Variants in MYO18B observed in about 807,000 individuals in gnomAD.
The protein encoded by MYO18B is myosin XVIIIB.
Under a neutral mutation model 273.0 loss-of-function variants are expected in MYO18B, and 204 were observed. The observed-to-expected ratio is 0.75, with a 90% CI of 0.67 to 0.84. The LOEUF (loss-of-function observed/expected upper bound fraction) is 0.84, where lower values mean the gene tolerates loss of function less well. Among genes scored for constraint, MYO18B ranks in the 40% least tolerant of loss-of-function variants. MYO18B has a pLI of 0.00. For missense variants in MYO18B, 3,212 were observed against 3,287.6 expected, an observed-to-expected ratio of 0.98 and a Z score of 0.56; for synonymous variants, 1,330 against 1,305.7, an observed-to-expected ratio of 1.02 and a Z score of -0.40.
chr22:26,006,086 G>C (rs1251581498), intron 42 of MYO18B, among the ~76,000 whole-genome samples: 1 of 152,240 alleles, frequency 6.6e-6, no homozygotes, highest in African/African-American at 2.4e-5. Flanking sequence ...GCGTTAGCCT[G>C]TCTGCCAGTG....
chr22:25,902,714 G>A lies in MYO18B; in HGVS notation c.4925G>A (p.Gly1642Asp), dbSNP rs2091963230. Residue 1642 changes from glycine to aspartate, a missense_variant, in exon 30 of 44, where the codon GGC becomes GAC. Coordinates refer to ENST00000335473, the MANE Select transcript of MYO18B (RefSeq NM_032608.7). ...QENTSVRWEL[G>D]QLQQQLKQKE... is the part of the protein sequence containing the mutation. ...AACACCAGTGTCCGGTGGGAGCTAG[G>A]CCAGCTTCAGCAGCAGCTGAAGGTA... is the stretch of plus-strand genomic sequence containing the variant. 2.5e-6 allele frequency: 4 copies of A among 1,586,630 alleles called. No individual in the cohort carries two copies. Among genetic ancestry groups the A allele is most frequent in the Non-Finnish European group, 2.6e-6 (3 of 1,165,862 alleles).
intron 12 of MYO18B, among the ~76,000 whole-genome samples, chr22:25,798,757 G>A (rs996702672): frequency 1.7e-4 from 26 of 151,796 alleles, no homozygotes; most frequent in Non-Finnish European, 3.5e-4. Flanking sequence ...TGTAGATAGG[G>A]GTCTCACTTT....
chr22:25,917,071 C>T (rs2092271904), intron 33 of MYO18B, among the ~76,000 whole-genome samples: 1 of 152,120 alleles, frequency 6.6e-6, no homozygotes, highest in South Asian at 2.1e-4. Flanking sequence ...CAAAAATAAA[C>T]TACTGAGTAG....
chr22:25,779,604 T>C (rs192690323), intron 8 of MYO18B, among the ~76,000 whole-genome samples: 2 of 152,344 alleles, frequency 1.3e-5, no homozygotes, highest in African/African-American at 4.8e-5. Context: ...ATCGAGGTGC[T>C]TAGCACAGTG....
At chr22:25,744,527 C>T (rs1402290997) in intron 1 of MYO18B, among the ~76,000 whole-genome samples, 4 of 152,080 alleles carry the variant, frequency 2.6e-5, no homozygotes, top group Admixed American at 6.6e-5. Context: ...GTCAGGAGAT[C>T]GAGACCATCC....
downstream of MYO18B, among the ~76,000 whole-genome samples, chr22:26,033,622 A>G (rs757163788): frequency 3.3e-5 from 5 of 152,312 alleles, no homozygotes; most frequent in South Asian, 2.1e-4. Context: ...TCAACATGCT[A>G]CAAGTTGACA....
chr22:26,004,737 A>G lies in MYO18B; in HGVS notation c.6352A>G (p.Ser2118Gly). 6.2e-7 allele frequency: 1 copy of G among 1,613,782 alleles called. No individual in the cohort carries two copies. The highest frequency in any genetic ancestry group is 8.5e-7 in the Non-Finnish European group (1 of 1,179,788). Residue 2118 changes from serine (S) to glycine (G), a missense_variant, in exon 42 of 44, where the codon AGC becomes GGC. Coordinates refer to ENST00000335473, the MANE Select transcript of MYO18B (RefSeq NM_032608.7). ...RKEMDNVSIL[S>G]SQPEGSLQSW... Reference sequence around the variant, plus strand: ...TTCTAGGGATAACGTCTCCATCCTCAGCTCCCAGCCAGAGGGCAGCCTGCA... The same window carrying G: ...TTCTAGGGATAACGTCTCCATCCTCGGCTCCCAGCCAGAGGGCAGCCTGCA...
At chr22:26,042,391 C>T in the MYO18B span, among the ~76,000 whole-genome samples, 1 of 152,232 alleles carries the variant, frequency 6.6e-6, no homozygotes, top group Non-Finnish European at 1.5e-5. Flanking sequence ...CTAGACCCAT[C>T]CCCCGGCCTG....
chr22:25,885,822 C>T (rs941622218), intron 25 of MYO18B, among the ~76,000 whole-genome samples: 2 of 152,168 alleles, frequency 1.3e-5, no homozygotes, highest in East Asian at 1.9e-4. Flanking sequence ...CCATAACTGT[C>T]CCTTCATTCT....
chr22:25,930,475 G>T (rs1311423244), intron 34 of MYO18B, among the ~76,000 whole-genome samples: 1 of 151,172 alleles, frequency 6.6e-6, no homozygotes, highest in African/African-American at 2.4e-5. Context: ...GCCTCCTGTT[G>T]GTCCTCTGCT....
At chr22:25,915,621 T>TA (rs891673622) in intron 33 of MYO18B, among the ~76,000 whole-genome samples, 4 of 152,186 alleles carry the variant, frequency 2.6e-5, no homozygotes, top group African/African-American at 9.7e-5. Context: ...TCTAATATCT[T>TA]AAAAAAAGAT....
intron 10 of MYO18B, among the ~76,000 whole-genome samples, chr22:25,785,168 T>A (rs763153655): frequency 6.6e-6 from 1 of 152,246 alleles, no homozygotes; most frequent in Non-Finnish European, 1.5e-5. Flanking sequence ...GGTTAGTCCC[T>A]GCTCTCCTGA....
At position 25,758,411 on chromosome 22, in the gene MYO18B, G is replaced by A. The variant is rs575733203; in HGVS notation, c.-109-2573G>A. Among the ~76,000 whole-genome samples the A allele has an allele frequency of 4.4e-4, 66 of 149,884 alleles. No individual in the cohort carries two copies. The South Asian group carries it at 6.9e-3, about 16-fold the overall frequency. Reference sequence around the variant, plus strand: ...ATGTGACTTTGTAGCGACATTATTCGTAGTGCCCCTAAAGTGGAAACAGTC... The same window carrying A: ...ATGTGACTTTGTAGCGACATTATTCATAGTGCCCCTAAAGTGGAAACAGTC... On this transcript the variant is annotated intron_variant, in intron 1 of 43. Transcript: ENST00000335473.
chr22:25,929,160 CA>C lies in MYO18B; in HGVS notation c.5517+7768del, dbSNP rs4049336. On this transcript the variant is annotated intron_variant, in intron 34 of 43. Coordinates refer to ENST00000335473, the MANE Select transcript of MYO18B (RefSeq NM_032608.7). ...CTGGGCAACAAGAGCGAAACTGTCT[CA>C]AAAAAAAAAAAAAAAAGACAGTGAT... 2.9e-3 allele frequency among the ~76,000 whole-genome samples: 351 copies of C among 122,168 alleles called. 8 individuals carry two copies. In the East Asian group the frequency reaches 0.054, roughly 19 times the overall value. The allele number at this position is 122,168 out of a possible 152,430, so 80.1% of individuals were successfully genotyped here. A position where few individuals can be genotyped will look rare whatever the true frequency, so the allele number is the denominator to read the frequency against.
chr22:26,041,352 CA>C, the MYO18B span, among the ~76,000 whole-genome samples: 216 of 62,190 alleles, frequency 3.5e-3, no homozygotes, highest in Middle Eastern at 0.017. Flanking sequence ...CTGTCTCTAC[CA>C]AAAAAAAAAA....
chr22:25,939,666 AG>A (rs1323470581), intron 34 of MYO18B, among the ~76,000 whole-genome samples: 1 of 152,186 alleles, frequency 6.6e-6, no homozygotes, highest in Non-Finnish European at 1.5e-5. Flanking sequence ...ATCACAGGGA[AG>A]ATGGGGTCCT....
chr22:26,029,494 A>G (rs1044412125), intron 43 of MYO18B, among the ~76,000 whole-genome samples: 1 of 152,194 alleles, frequency 6.6e-6, no homozygotes, highest in African/African-American at 2.4e-5. Flanking sequence ...TCTCGGGGAC[A>G]CAGAAAGCAG....
chr22:25,826,172 G>T (rs904718586), intron 13 of MYO18B, among the ~76,000 whole-genome samples: 1 of 152,218 alleles, frequency 6.6e-6, no homozygotes, highest in African/African-American at 2.4e-5. Context: ...GCTGAACCCT[G>T]AGTGATGAGC....
chr22:25,830,356 C>T (rs1271854118), intron 15 of MYO18B, among the ~76,000 whole-genome samples: 1 of 152,132 alleles, frequency 6.6e-6, no homozygotes, highest in South Asian at 2.1e-4. Flanking sequence ...ATAAACTACC[C>T]CCAAGTGTAG....
Sources: gnomAD v4.1 joint callset for allele counts (sites outside exome capture counted in the v4.1 genomes callset) on GRCh38, gnomAD v4.1.1 for gene constraint, MANE v1.5 for transcripts, NCBI Gene and HGNC (gene_info 2026-07-23, HGNC 2026-07-21) for gene names.